The following BAZ2B variants were observed in gnomAD, a reference collection of about 807,000 sequenced individuals.
BAZ2B encodes bromodomain adjacent to zinc finger domain protein 2B.
Under a neutral mutation model 246.0 loss-of-function variants are expected in BAZ2B, and 91 were observed. That is an observed-to-expected ratio of 0.37 (90% CI 0.31 to 0.44). The LOEUF (loss-of-function observed/expected upper bound fraction) is 0.44, where lower values mean the gene tolerates loss of function less well. BAZ2B is among the 20% of genes least tolerant of loss of function. The probability of loss-of-function intolerance (pLI) is 1.00; values close to 1 mark genes in which losing one functional copy is unlikely to be tolerated. For synonymous variants in BAZ2B, 855 were observed against 860.0 expected, an observed-to-expected ratio of 0.99 and a Z score of 0.10; for missense variants, 2,332 against 2,533.7, an observed-to-expected ratio of 0.92 and a Z score of 1.71.
At chr2:159,619,486 G>C (rs1438844899), upstream of BAZ2B, among the ~76,000 whole-genome samples, 2 of 151,210 alleles carry the variant, frequency 1.3e-5, no homozygotes, top group African/African-American at 4.8e-5. Flanking sequence ...GTTGCTAAAT[G>C]AAAGACTGAC....
chr2:159,698,060 G>A, the BAZ2B span, among the ~76,000 whole-genome samples: 1 of 152,066 alleles, frequency 6.6e-6, no homozygotes, highest in Non-Finnish European at 1.5e-5. Flanking sequence ...TTTAGTGTTT[G>A]TAAAATACTT....
intron 4 of BAZ2B, among the ~76,000 whole-genome samples, chr2:159,449,875 G>C (rs535810979): frequency 6.6e-6 from 1 of 152,270 alleles, no homozygotes; most frequent in East Asian, 1.9e-4. Flanking sequence ...CTGATAAAAA[G>C]TTACTGTACT....
intron 1 of BAZ2B, among the ~76,000 whole-genome samples, chr2:159,573,927 C>G (rs531035570): frequency 7.2e-5 from 11 of 152,154 alleles, no homozygotes; most frequent in African/African-American, 2.7e-4. Flanking sequence ...TGGCAAAATC[C>G]CTTACCTACA....
At chr2:159,409,140 T>C (rs1395152355) in intron 14 of BAZ2B, among the ~76,000 whole-genome samples, 1 of 152,138 alleles carries the variant, frequency 6.6e-6, no homozygotes, top group East Asian at 1.9e-4. Flanking sequence ...TCTGCTTTAA[T>C]TTCAAAGATG....
intron 2 of BAZ2B, among the ~76,000 whole-genome samples, chr2:159,502,071 T>C (rs898852016): frequency 6.6e-6 from 1 of 152,096 alleles, no homozygotes; most frequent in Admixed American, 6.5e-5. Flanking sequence ...CAGTCACAAA[T>C]GACCATGGGT....
chr2:159,359,864 C>T (rs1423414575), intron 27 of BAZ2B, among the ~76,000 whole-genome samples: 1 of 152,044 alleles, frequency 6.6e-6, no homozygotes, highest in Admixed American at 6.6e-5. Flanking sequence ...CCACATGATT[C>T]TCTCAATATA....
At chr2:159,536,680 T>G (rs2086035672) in intron 2 of BAZ2B, among the ~76,000 whole-genome samples, 1 of 152,242 alleles carries the variant, frequency 6.6e-6, no homozygotes. Context: ...ATTCTTCAGT[T>G]GCGTGTAACT....
chr2:159,444,049 T>C (rs2073885111), intron 6 of BAZ2B: 1 of 152,142 alleles, frequency 6.6e-6, no homozygotes, highest in African/African-American at 2.4e-5. Flanking sequence ...TCCAATGATA[T>C]GATGTCTGGG....
chr2:159,341,742 A>G (rs574921578), intron 31 of BAZ2B, among the ~76,000 whole-genome samples: 60 of 152,348 alleles, frequency 3.9e-4, no homozygotes, highest in Non-Finnish European at 8.1e-4. Context: ...AATACATGAA[A>G]TGTAAACAAC....
chr2:159,569,352 T>G (rs1426559094), intron 1 of BAZ2B, among the ~76,000 whole-genome samples: 3 of 152,120 alleles, frequency 2.0e-5, no homozygotes, highest in Non-Finnish European at 4.4e-5. Context: ...AATATCAACT[T>G]TTGCAACACG....
intron 27 of BAZ2B, among the ~76,000 whole-genome samples, chr2:159,352,073 CT>C (rs1559071312): frequency 1.3e-5 from 2 of 152,306 alleles, no homozygotes; most frequent in East Asian, 3.9e-4. Context: ...TAACCAAGGC[CT>C]ACAACATTCT....
chr2:159,337,840 C>A, intron 31 of BAZ2B, 68 bp from the exon 32 acceptor site: 1 of 1,439,198 alleles, frequency 6.9e-7, no homozygotes, highest in Admixed American at 1.9e-5. Flanking sequence ...ATTACCTTTA[C>A]TTAAAATACA....
chr2:159,432,008 T>G (rs762972723), intron 9 of BAZ2B, among the ~76,000 whole-genome samples: 1 of 152,196 alleles, frequency 6.6e-6, no homozygotes, highest in Non-Finnish European at 1.5e-5. Context: ...GGTTTTACCC[T>G]GAGCACGAAG....
intron 1 of BAZ2B, among the ~76,000 whole-genome samples, chr2:159,596,733 T>C (rs946004486): frequency 1.3e-5 from 2 of 152,324 alleles, no homozygotes; most frequent in Admixed American, 6.5e-5. Context: ...TCTTATGCCT[T>C]TGCATCCTCG....
At chr2:159,527,166 T>C (rs1049108689) in intron 2 of BAZ2B, among the ~76,000 whole-genome samples, 2 of 152,144 alleles carry the variant, frequency 1.3e-5, no homozygotes, top group Non-Finnish European at 2.9e-5. Context: ...ACTGTTCTAA[T>C]AGGTGTGTGG....
At chr2:159,542,854 A>G (rs1046483064) in intron 2 of BAZ2B, among the ~76,000 whole-genome samples, 8 of 152,336 alleles carry the variant, frequency 5.3e-5, no homozygotes, top group Non-Finnish European at 8.8e-5. Context: ...AATGAAATAA[A>G]TAAGATTAAT....
chr2:159,449,927 T>C (rs116739367), intron 4 of BAZ2B, among the ~76,000 whole-genome samples: 310 of 152,160 alleles, frequency 2.0e-3, no homozygotes, highest in African/African-American at 7.1e-3. Flanking sequence ...TCCCAGAGCT[T>C]TGGGAGGCTG....
At chr2:159,709,320 A>G in the BAZ2B span, among the ~76,000 whole-genome samples, 1 of 152,116 alleles carries the variant, frequency 6.6e-6, no homozygotes, top group South Asian at 2.1e-4. Context: ...GGGGGTGGGG[A>G]CAAAAAGAGG....
intron 2 of BAZ2B, among the ~76,000 whole-genome samples, chr2:159,518,202 C>A (rs903235313): frequency 2.0e-5 from 3 of 152,086 alleles, no homozygotes; most frequent in African/African-American, 7.2e-5. Flanking sequence ...AGAGGTACAG[C>A]AAATAAATTT....
Sources: gnomAD v4.1 joint callset for allele counts (sites outside exome capture counted in the v4.1 genomes callset) on GRCh38, gnomAD v4.1.1 for gene constraint, MANE v1.5 for transcripts, NCBI Gene and HGNC (gene_info 2026-07-23, HGNC 2026-07-21) for gene names.